The following DTNA variants were observed in gnomAD, a reference collection of about 807,000 sequenced individuals.
DTNA encodes dystrophin-related protein 3.
A neutral mutation model predicts 100.7 loss-of-function variants in DTNA; 43 were observed. The ratio of observed to expected loss-of-function variants is 0.43; its 90% CI spans 0.33 to 0.55. The LOEUF (loss-of-function observed/expected upper bound fraction) is 0.55. Ranked by LOEUF, DTNA falls within the 20% of genes least tolerant of loss-of-function variation. DTNA has a pLI of 0.04. For synonymous variants in DTNA, 349 were observed against 347.9 expected, an observed-to-expected ratio of 1.00 and a Z score of -0.04; for missense variants, 798 against 953.9, an observed-to-expected ratio of 0.84 and a Z score of 2.15.
intron 1 of DTNA, among the ~76,000 whole-genome samples, chr18:34,561,726 G>A (rs768046809): frequency 8.6e-5 from 13 of 152,036 alleles, no homozygotes; most frequent in Non-Finnish European, 1.6e-4. Flanking sequence ...TATAGAAAAA[G>A]TATTAACATT....
At chr18:34,584,025 ACT>A (rs147840251) in intron 1 of DTNA, among the ~76,000 whole-genome samples, 8,956 of 151,902 alleles carry the variant, frequency 0.059, 356 homozygotes, top group Middle Eastern at 0.11. Context: ...ATAGTAACAA[ACT>A]CTACTTTCCC....
intron 1 of DTNA, among the ~76,000 whole-genome samples, chr18:34,556,794 G>T (rs1172536624): frequency 6.6e-6 from 1 of 151,856 alleles, no homozygotes; most frequent in African/African-American, 2.4e-5. Flanking sequence ...CTCTCTGGCT[G>T]CCCTTAACAT....
rs2092644636 is a variant in DTNA, at chr18:34,754,624, AT to A, written c.-1-1350del. Among the ~76,000 whole-genome samples, 3 of 152,224 alleles carry A rather than the reference AT, an allele frequency of 2.0e-5. No individual in the cohort carries two copies. The South Asian group carries it at 6.2e-4, about 32-fold the overall frequency. ...CTCAGTAAAGGCTTGTTTTGTTTCC[AT>A]TCGTTTATTTTTAATTGTCAGATAA... On this transcript the variant is annotated intron_variant, in intron 1 of 22. Transcript: ENST00000444659.
chr18:34,809,008 G>C (rs1446574500), intron 5 of DTNA, among the ~76,000 whole-genome samples: 1 of 152,148 alleles, frequency 6.6e-6, no homozygotes, highest in East Asian at 1.9e-4. Context: ...TTAATCCTGG[G>C]AAGATGGTTT....
intron 1 of DTNA, among the ~76,000 whole-genome samples, chr18:34,732,889 G>A (rs974551612): frequency 2.0e-5 from 3 of 152,188 alleles, no homozygotes; most frequent in East Asian, 1.9e-4. Context: ...ATGCATTCTG[G>A]CACTGGGGAA....
chr18:34,509,144 A>G (rs757091023), intron 1 of DTNA, among the ~76,000 whole-genome samples: 10 of 152,026 alleles, frequency 6.6e-5, no homozygotes, highest in Admixed American at 1.3e-4. Flanking sequence ...TCATTATACA[A>G]TGTTTGCTCA....
intron 1 of DTNA, among the ~76,000 whole-genome samples, chr18:34,564,994 A>C (rs902857856): frequency 1.6e-4 from 24 of 152,224 alleles, no homozygotes; most frequent in African/African-American, 5.8e-4. Context: ...ATTAATTTGC[A>C]TGCACTCTAC....
At chr18:34,659,709 C>T (rs918791183) in intron 1 of DTNA, among the ~76,000 whole-genome samples, 2 of 152,064 alleles carry the variant, frequency 1.3e-5, no homozygotes, top group Non-Finnish European at 2.9e-5. Flanking sequence ...TCTAAATAAA[C>T]TTGAAAAATA....
chr18:34,588,985 T>A (rs1040470076), intron 1 of DTNA, among the ~76,000 whole-genome samples: 17 of 150,348 alleles, frequency 1.1e-4, no homozygotes, highest in African/African-American at 4.1e-4. Context: ...ATTAATACTA[T>A]ACTAATTATA....
chr18:34,878,329 G>A (rs981687769), intron 19 of DTNA, among the ~76,000 whole-genome samples: 3 of 152,142 alleles, frequency 2.0e-5, no homozygotes, highest in Non-Finnish European at 2.9e-5. Context: ...CATACTCAAT[G>A]TAGAAAGTTT....
chr18:34,535,352 ATTTG>A (rs1326535480), intron 1 of DTNA, among the ~76,000 whole-genome samples: 1 of 151,894 alleles, frequency 6.6e-6, no homozygotes, highest in African/African-American at 2.4e-5. Flanking sequence ...TTTCTTGTAA[ATTTG>A]TTTAAGTTTC....
At chr18:34,856,389 T>G (rs2096553020) in intron 15 of DTNA, among the ~76,000 whole-genome samples, 1 of 152,250 alleles carries the variant, frequency 6.6e-6, no homozygotes, top group Non-Finnish European at 1.5e-5. Context: ...ATTTAATGAC[T>G]CTGTCTACCC....
chr18:34,875,178 TG>T, intron 17 of DTNA, 60 bp from the exon 18 acceptor site: 6 of 1,594,902 alleles, frequency 3.8e-6, no homozygotes, highest in Non-Finnish European at 5.1e-6. Flanking sequence ...ACTGAGGCAT[TG>T]GGGATGACAT....
intron 18 of DTNA, among the ~76,000 whole-genome samples, chr18:34,876,453 T>A (rs639304): frequency 0.3 from 46,094 of 152,002 alleles, 7,531 homozygotes; most frequent in African/African-American, 0.43. Flanking sequence ...TCAGAAAGAA[T>A]AGACACCACC....
intron 1 of DTNA, among the ~76,000 whole-genome samples, chr18:34,522,238 A>G (rs939399145): frequency 5.9e-5 from 9 of 152,108 alleles, no homozygotes; most frequent in Non-Finnish European, 1.3e-4. Flanking sequence ...TTATCCCTTT[A>G]TTATAAAGTC....
In DTNA at chr18:34,550,258, CTTCT is replaced by C. The variant is rs531214295; in HGVS notation, c.-2+56745_-2+56748del. On this transcript the variant is annotated intron_variant, in intron 1 of 19. Transcript: ENST00000283365. ...TGAGAGTGGGATTTTCTCCGCGATC[CTTCT>C]GTCAACATTTTTCATACACTATTTT... Among the ~76,000 whole-genome samples the C allele has an allele frequency of 8.5e-5, 13 of 152,158 alleles. 1 individual carries two copies. The South Asian group carries it at 2.3e-3, about 27-fold the overall frequency.
At chr18:34,710,125 T>C (rs957649206), upstream of DTNA, among the ~76,000 whole-genome samples, 31 of 152,196 alleles carry the variant, frequency 2.0e-4, no homozygotes, top group African/African-American at 7.5e-4. Context: ...GAGAAGCATA[T>C]TCAAATTAGA....
At chr18:34,503,872 G>A (rs1012618880) in intron 1 of DTNA, among the ~76,000 whole-genome samples, 1 of 151,628 alleles carries the variant, frequency 6.6e-6, no homozygotes, top group Non-Finnish European at 1.5e-5. Context: ...TGTTGCCCAG[G>A]CTGGCCAGGC....
At chr18:34,513,719 G>A (rs2041315453) in intron 1 of DTNA, 1 of 152,092 alleles carries the variant, frequency 6.6e-6, no homozygotes, top group Non-Finnish European at 1.5e-5. Context: ...AACATGAGAT[G>A]AAGAAAGAAA....
Sources: gnomAD v4.1 joint callset for allele counts (sites outside exome capture counted in the v4.1 genomes callset) on GRCh38, gnomAD v4.1.1 for gene constraint, MANE v1.5 for transcripts, NCBI Gene and HGNC (gene_info 2026-07-23, HGNC 2026-07-21) for gene names.